The following CCDC126 variants were observed in gnomAD, a reference collection of about 807,000 sequenced individuals.
CCDC126 encodes coiled-coil domain-containing protein 126.
In CCDC126, 5 loss-of-function variants were observed where a neutral mutation model predicts 11.7. That is an observed-to-expected ratio of 0.43 (90% CI 0.22 to 0.90). The LOEUF (loss-of-function observed/expected upper bound fraction) is 0.90, where lower values mean the gene tolerates loss of function less well. Among genes scored for constraint, CCDC126 ranks in the 40% least tolerant of loss-of-function variants. CCDC126 has a pLI of 0.27. For missense variants in CCDC126, 150 were observed against 163.1 expected, an observed-to-expected ratio of 0.92 and a Z score of 0.44; for synonymous variants, 60 against 61.9, an observed-to-expected ratio of 0.97 and a Z score of 0.14.
intron 2 of CCDC126, among the ~76,000 whole-genome samples, chr7:23,601,415 G>A (rs1038998856): frequency 6.6e-6 from 1 of 152,166 alleles, no homozygotes; most frequent in Non-Finnish European, 1.5e-5. Flanking sequence ...GCATGCATAT[G>A]TCTGTATATG....
chr7:23,644,164 T>G lies in CCDC126; in HGVS notation c.*1049T>G, dbSNP rs975716812. On this transcript the variant is annotated 3_prime_UTR_variant, in exon 4 of 4. Transcript: ENST00000307471. Reference sequence around the variant, plus strand: ...TTTTGAATTTGTATAACAGATGCATTAGATATTCATTTTATATAATGGCCA... The same window carrying G: ...TTTTGAATTTGTATAACAGATGCATGAGATATTCATTTTATATAATGGCCA... The G allele has an allele frequency of 5.9e-5, 9 of 152,100 alleles. No homozygotes were observed. The highest frequency in any genetic ancestry group is 1.3e-4 in the Non-Finnish European group (9 of 67,940). 9.4% of individuals were successfully genotyped at this position (152,100 alleles called of 1,614,324 possible). A position where few individuals can be genotyped will look rare whatever the true frequency, so the allele number is the denominator to read the frequency against.
intron 3 of CCDC126, among the ~76,000 whole-genome samples, chr7:23,632,908 T>C (rs1277435910): frequency 6.6e-6 from 1 of 152,224 alleles, no homozygotes; most frequent in Admixed American, 6.5e-5. Context: ...TTAGGAAAAA[T>C]TAGGCTTATT....
intron 3 of CCDC126, among the ~76,000 whole-genome samples, chr7:23,624,948 T>TC (rs1372862643): frequency 2.0e-5 from 3 of 152,068 alleles, no homozygotes; most frequent in Non-Finnish European, 2.9e-5. Flanking sequence ...GCTCAGGTGA[T>TC]CCCCCCACCT....
chr7:23,638,639 C>A (rs1783288848), intron 3 of CCDC126, among the ~76,000 whole-genome samples: 1 of 122,496 alleles, frequency 8.2e-6, no homozygotes, highest in South Asian at 3.0e-4. Context: ...TGTTTATCTG[C>A]TGACCTTCCC....
rs867581205 is a variant in CCDC126 at position 23,605,520 on chromosome 7, T to G, written c.-145-5651T>G. On this transcript the variant is annotated intron_variant, in intron 2 of 3. Coordinates refer to ENST00000307471, the MANE Select transcript of CCDC126 (RefSeq NM_138771.4). Reference sequence around the variant, plus strand: ...TTCAGTGACATTAAGTACGTTCACATCATCATGCAACCATCACTACCATCC... The same window carrying G: ...TTCAGTGACATTAAGTACGTTCACAGCATCATGCAACCATCACTACCATCC... Among the ~76,000 whole-genome samples the G allele has an allele frequency of 3.9e-5, 6 of 152,058 alleles. No individual in the cohort carries two copies. The South Asian group carries it at 1.0e-3, about 26-fold the overall frequency.
intron 3 of CCDC126, among the ~76,000 whole-genome samples, chr7:23,642,293 CTG>C (rs1168285924): frequency 1.3e-5 from 2 of 152,024 alleles, no homozygotes; most frequent in African/African-American, 4.8e-5. Context: ...GATTACAGGT[CTG>C]TGGTAGTTTT....
intron 3 of CCDC126, among the ~76,000 whole-genome samples, chr7:23,618,359 C>G (rs929452002): frequency 2.0e-5 from 3 of 152,140 alleles, no homozygotes; most frequent in Admixed American, 6.5e-5. Context: ...CCCAACCCCC[C>G]ATTCTGGGTC....
rs902491234 is a variant in CCDC126, at chr7:23,616,036, C to A, written c.238+4483C>A. ...ACATTCAATTGTAAAAACACAATAT[C>A]TGTAAAGTGAAGTGCAATAAAACAA... is the stretch of plus-strand genomic sequence containing the variant. On this transcript the variant is annotated intron_variant, in intron 3 of 3. Transcript: ENST00000307471. Among the ~76,000 whole-genome samples, 13 of 152,206 alleles carry A rather than the reference C, an allele frequency of 8.5e-5. 1 individual carries two copies. The highest frequency in any genetic ancestry group is 3.1e-4 in the African/African-American group (13 of 41,466).
chr7:23,607,803 C>G (rs1562829480), intron 2 of CCDC126, among the ~76,000 whole-genome samples: 1 of 152,192 alleles, frequency 6.6e-6, no homozygotes, highest in South Asian at 2.1e-4. Flanking sequence ...ATCCCCTTCA[C>G]CCCTTCCCCT....
chr7:23,633,151 C>T (rs1381219074), intron 3 of CCDC126, among the ~76,000 whole-genome samples: 2 of 152,146 alleles, frequency 1.3e-5, no homozygotes, highest in East Asian at 1.9e-4. Flanking sequence ...GGTCACCACA[C>T]TCAGCTAATT....
chr7:23,638,257 G>A (rs1386121042), intron 3 of CCDC126, among the ~76,000 whole-genome samples: 5 of 151,756 alleles, frequency 3.3e-5, no homozygotes, highest in African/African-American at 4.8e-5. Flanking sequence ...GACAATGGCG[G>A]TTTTGTGGAA....
chr7:23,632,460 C>T (rs1053113044), intron 3 of CCDC126, among the ~76,000 whole-genome samples: 2 of 152,142 alleles, frequency 1.3e-5, no homozygotes, highest in Admixed American at 1.3e-4. Context: ...CATTGTAATA[C>T]CATATACCAA....
intron 3 of CCDC126, among the ~76,000 whole-genome samples, chr7:23,620,332 G>T (rs1288696695): frequency 6.6e-6 from 1 of 152,260 alleles, no homozygotes; most frequent in Non-Finnish European, 1.5e-5. Context: ...CTGATGGCCA[G>T]TGATGATGAG....
At chr7:23,630,718 CAAAAAAAAAAAAAAA>C (rs775279967) in intron 3 of CCDC126, among the ~76,000 whole-genome samples, 1 of 25,482 alleles carries the variant, frequency 3.9e-5, no homozygotes, top group Admixed American at 7.5e-4. Context: ...GACCCTATCT[CAAAAAAAAAAAAAAA>C]AAAAAAAAAA....
At chr7:23,604,132 C>G (rs1782584451) in intron 2 of CCDC126, 1 of 152,168 alleles carries the variant, frequency 6.6e-6, no homozygotes, top group Non-Finnish European at 1.5e-5. Context: ...GCTATTATGT[C>G]ATCTTTTAGG....
intron 3 of CCDC126, among the ~76,000 whole-genome samples, chr7:23,636,632 C>T (rs1225532260): frequency 7.0e-6 from 1 of 142,954 alleles, no homozygotes; most frequent in African/African-American, 2.7e-5. Flanking sequence ...TGGCAACCGC[C>T]CCGTCTGAGA....
rs551455271 is a variant in CCDC126, at chr7:23,641,157, A to C, written c.239-1774A>C. Among the ~76,000 whole-genome samples the C allele has an allele frequency of 1.6e-4, 24 of 152,180 alleles. 2 individuals are homozygous for C. The highest frequency in any genetic ancestry group is 3.9e-4 in the African/African-American group (16 of 41,536). On this transcript the variant is annotated intron_variant, in intron 3 of 3. Transcript: ENST00000307471. The stretch of plus-strand genomic sequence containing the variant: ...TGTATGAGGGTTTCAGTTTCTCTGC[A>C]TCCTTGCCAACACTTATTTTCCATT...
At chr7:23,612,895 G>A (rs561073903) in intron 3 of CCDC126, among the ~76,000 whole-genome samples, 2 of 152,098 alleles carry the variant, frequency 1.3e-5, no homozygotes, top group African/African-American at 4.8e-5. Flanking sequence ...TTCTTATCAT[G>A]ACATGTTCTT....
chr7:23,636,873 G>A (rs1233253120), intron 3 of CCDC126, among the ~76,000 whole-genome samples: 2 of 108,744 alleles, frequency 1.8e-5, no homozygotes, highest in African/African-American at 3.8e-5. Context: ...CCTCTGCCCG[G>A]CCAGTCGCCC....
Sources: gnomAD v4.1 joint callset for allele counts (sites outside exome capture counted in the v4.1 genomes callset) on GRCh38, gnomAD v4.1.1 for gene constraint, MANE v1.5 for transcripts, NCBI Gene and HGNC (gene_info 2026-07-23, HGNC 2026-07-21) for gene names.